The following CERS6 variants were observed in gnomAD, a reference collection of about 807,000 sequenced individuals.
The protein encoded by CERS6 is LAG1 homolog, ceramide synthase 6.
In CERS6, 26 loss-of-function variants were observed where a neutral mutation model predicts 56.8. That is an observed-to-expected ratio of 0.46 (90% CI 0.34 to 0.63). The LOEUF (loss-of-function observed/expected upper bound fraction) is 0.63, where lower values mean the gene tolerates loss of function less well. Among genes scored for constraint, CERS6 ranks in the 30% least tolerant of loss-of-function variants. The pLI is 0.01. For synonymous variants in CERS6, 164 were observed against 173.3 expected, an observed-to-expected ratio of 0.95 and a Z score of 0.42; for missense variants, 415 against 467.5, an observed-to-expected ratio of 0.89 and a Z score of 1.04.
intron 8 of CERS6, among the ~76,000 whole-genome samples, chr2:168,752,725 C>T (rs1054203805): frequency 2.0e-5 from 3 of 152,198 alleles, no homozygotes; most frequent in Non-Finnish European, 2.9e-5. Flanking sequence ...TTCTGCACAC[C>T]GTTCAGTGTG....
chr2:168,508,665 A>G (rs1694723064), intron 1 of CERS6, among the ~76,000 whole-genome samples: 1 of 152,012 alleles, frequency 6.6e-6, no homozygotes, highest in Non-Finnish European at 1.5e-5. Flanking sequence ...GAACAATGGG[A>G]ACACATGGAC....
At chr2:168,743,574 T>C (rs1003281628) in intron 8 of CERS6, among the ~76,000 whole-genome samples, 35 of 152,186 alleles carry the variant, frequency 2.3e-4, no homozygotes, top group African/African-American at 8.0e-4. Context: ...AAGAGTTGCT[T>C]TTTAAAAACT....
chr2:168,657,328 T>G (rs1277120981), intron 4 of CERS6, among the ~76,000 whole-genome samples: 1 of 152,244 alleles, frequency 6.6e-6, no homozygotes, highest in Non-Finnish European at 1.5e-5. Flanking sequence ...GAGCTAGATA[T>G]AAAGACTCTC....
At chr2:168,590,210 A>C (rs146622132) in intron 3 of CERS6, among the ~76,000 whole-genome samples, 186 of 152,306 alleles carry the variant, frequency 1.2e-3, no homozygotes, top group African/African-American at 4.4e-3. Context: ...CTAGGAGAGG[A>C]TATGGTCATA....
intron 1 of CERS6, among the ~76,000 whole-genome samples, chr2:168,457,585 C>T (rs1454769566): frequency 6.6e-6 from 1 of 152,018 alleles, no homozygotes; most frequent in African/African-American, 2.4e-5. Flanking sequence ...CTTTCTTGTA[C>T]CCTCCCCTTC....
chr2:168,752,279 A>ATTG (rs758179740), intron 8 of CERS6, among the ~76,000 whole-genome samples: 3 of 132,632 alleles, frequency 2.3e-5, no homozygotes, highest in East Asian at 4.5e-4. Flanking sequence ...AAAAAAATAA[A>ATTG]TGTGTGTGTG....
At chr2:168,660,481 G>A (rs1054059160) in intron 4 of CERS6, among the ~76,000 whole-genome samples, 4 of 151,984 alleles carry the variant, frequency 2.6e-5, no homozygotes, top group Non-Finnish European at 5.9e-5. Flanking sequence ...CTTTTCCCAA[G>A]GGCTGAAATA....
Position 168,769,934 on chromosome 2 carries a change from G to A in CERS6, c.*272G>A, listed in dbSNP as rs1040454054. On this transcript the variant is annotated 3_prime_UTR_variant, in exon 10 of 10. Transcript: ENST00000305747. ...GAATATTATTTATTTTTTTGTATTT[G>A]TAAATCTGTGGACAAAAGAGGGTTT... 10 of 351,242 alleles carry A rather than the reference G, an allele frequency of 2.8e-5. No individual in the cohort carries two copies. Among genetic ancestry groups the A allele is most frequent in the South Asian group, 1.2e-4 (4 of 32,972 alleles). 21.8% of individuals were successfully genotyped at this position (351,242 alleles called of 1,614,324 possible). A position where few individuals can be genotyped will look rare whatever the true frequency, so the allele number is the denominator to read the frequency against.
chr2:168,725,961 T>C (rs901855270), intron 8 of CERS6, among the ~76,000 whole-genome samples: 1 of 152,190 alleles, frequency 6.6e-6, no homozygotes, highest in Non-Finnish European at 1.5e-5. Context: ...TTGATCTGCA[T>C]CTCTCTCTCT....
At chr2:168,606,206 G>T (rs1684049693) in intron 3 of CERS6, among the ~76,000 whole-genome samples, 2 of 152,228 alleles carry the variant, frequency 1.3e-5, no homozygotes, top group South Asian at 4.1e-4. Context: ...GAGACATGGT[G>T]TCAAAGGAGA....
At chr2:168,629,444 T>A (rs1684662029) in intron 3 of CERS6, among the ~76,000 whole-genome samples, 1 of 152,196 alleles carries the variant, frequency 6.6e-6, no homozygotes, top group African/African-American at 2.4e-5. Flanking sequence ...TACCAAATCC[T>A]TGAGGCATCA....
intron 1 of CERS6, among the ~76,000 whole-genome samples, chr2:168,535,393 C>T (rs13006127): frequency 0.39 from 59,092 of 151,968 alleles, 13,340 homozygotes; most frequent in South Asian, 0.71. Flanking sequence ...GGAAAAGGCA[C>T]GGATTCCCTG....
At chr2:168,653,763 G>C (rs1192047455) in intron 4 of CERS6, among the ~76,000 whole-genome samples, 1 of 152,138 alleles carries the variant, frequency 6.6e-6, no homozygotes, top group Non-Finnish European at 1.5e-5. Flanking sequence ...GTAAAATTCT[G>C]CCAAAACCAA....
chr2:168,567,162 GATAGTTGTGGTTATTTTCCATTA>G (rs575650090), intron 3 of CERS6, among the ~76,000 whole-genome samples: 2 of 152,322 alleles, frequency 1.3e-5, no homozygotes, highest in East Asian at 3.9e-4. Flanking sequence ...CTGTTGTGGT[GATAGTTGTGGTTATTTTCCATTA>G]ATACAAAACA....
At chr2:168,591,768 G>A (rs1016222098) in intron 3 of CERS6, among the ~76,000 whole-genome samples, 2 of 152,132 alleles carry the variant, frequency 1.3e-5, no homozygotes, top group African/African-American at 4.8e-5. Flanking sequence ...TTTAAAGTAC[G>A]GAATTCTTGA....
Position 168,701,832 on chromosome 2 carries a change from C to T in CERS6, c.609+6781C>T, listed in dbSNP as rs562136518. ...ACCTGCCTGGGCAACATAGCAAGAC[C>T]CTGTTGCTAAAAAATAAAATAAAAA... is the stretch of plus-strand genomic sequence containing the variant. On this transcript the variant is annotated intron_variant, in intron 6 of 9. Coordinates refer to ENST00000305747, the MANE Select transcript of CERS6 (RefSeq NM_203463.3). 1.6e-4 allele frequency among the ~76,000 whole-genome samples: 25 copies of T among 151,772 alleles called. 1 individual carries two copies. The Middle Eastern group carries it at 0.017, about 104-fold the overall frequency.
intron 3 of CERS6, among the ~76,000 whole-genome samples, chr2:168,602,701 G>GA (rs1189465864): frequency 1.3e-5 from 2 of 152,170 alleles, no homozygotes; most frequent in Non-Finnish European, 2.9e-5. Context: ...CAAAAACAGG[G>GA]AAAAATCTGA....
rs75359227 is a variant in CERS6 at position 168,598,789 on chromosome 2, G to A, written c.408-32196G>A. Among the ~76,000 whole-genome samples, 900 of 152,204 alleles carry A rather than the reference G, an allele frequency of 5.9e-3. 14 individuals carry two copies. The highest frequency in any genetic ancestry group is 0.02 in the African/African-American group (848 of 41,510). The stretch of plus-strand genomic sequence containing the variant: ...TTAAAGTGGTGTCAAATATTGCGGT[G>A]ATACAACATAGAACAATTAATATGA... On this transcript the variant is annotated intron_variant, in intron 3 of 9. Coordinates refer to ENST00000305747, the MANE Select transcript of CERS6 (RefSeq NM_203463.3).
chr2:168,688,549 AT>A (rs1330844666), intron 4 of CERS6, among the ~76,000 whole-genome samples: 1 of 152,160 alleles, frequency 6.6e-6, no homozygotes, highest in East Asian at 1.9e-4. Context: ...TGGGAAAGAT[AT>A]TTGTTCCACT....
Sources: gnomAD v4.1 joint callset for allele counts (sites outside exome capture counted in the v4.1 genomes callset) on GRCh38, gnomAD v4.1.1 for gene constraint, MANE v1.5 for transcripts, NCBI Gene and HGNC (gene_info 2026-07-23, HGNC 2026-07-21) for gene names.